PPAT: variants seen among roughly 807,000 people sequenced by gnomAD.
PPAT encodes the protein phosphoribosyl pyrophosphate amidotransferase.
In PPAT, 20 loss-of-function variants were observed where a neutral mutation model predicts 60.2. The ratio of observed to expected loss-of-function variants is 0.33; its 90% confidence interval spans 0.23 to 0.48. PPAT has a LOEUF of 0.48. Among genes scored for constraint, PPAT ranks in the 20% least tolerant of loss-of-function variants. The pLI, the probability that PPAT is intolerant of heterozygous loss-of-function variation, is 0.99. For missense variants in PPAT, 349 were observed against 629.6 expected (o/e 0.55, Z 4.77); for synonymous variants, 194 against 215.1 (o/e 0.90, Z 0.86).
intron 1 of PPAT, among the ~76,000 whole-genome samples, chr4:56,412,827 AC>A (rs1400641429): frequency 6.6e-6 from 1 of 151,986 alleles, no homozygotes; most frequent in Non-Finnish European, 1.5e-5. Context: ...CCTAGTTTTC[AC>A]CCTCTTCCCA....
chr4:56,420,488 C>T (rs1451106853), intron 1 of PPAT: 1 of 152,156 alleles, frequency 6.6e-6, no homozygotes, highest in Non-Finnish European at 1.5e-5. Context: ...GGTTTCATTA[C>T]ATGCTATTTG....
intron 3 of PPAT, 68 bp downstream of exon 3, chr4:56,406,427 T>G (rs1716242450): frequency 6.7e-7 from 1 of 1,503,598 alleles, no homozygotes; most frequent in South Asian, 1.1e-5. Flanking sequence ...CAAAGATCCT[T>G]AACTTTTATT....
chr4:56,400,938 G>A, intron 7 of PPAT, 27 bp from the exon 8 acceptor site: 1 of 1,590,590 alleles, frequency 6.3e-7, no homozygotes, highest in Non-Finnish European at 8.6e-7. Context: ...AGGAGAGAGA[G>A]TATTTTTACT....
intron 1 of PPAT, among the ~76,000 whole-genome samples, chr4:56,424,369 C>T (rs1399399080): frequency 6.6e-6 from 1 of 152,156 alleles, no homozygotes; most frequent in Non-Finnish European, 1.5e-5. Flanking sequence ...TCAAGCATAG[C>T]CAGCACTGGA....
At position 56,403,113 on chromosome 4, in the gene PPAT, T is replaced by A. The variant is rs1254974697; in HGVS notation, c.588A>T (p.Ala196=). The stretch of plus-strand genomic sequence containing the variant: ...GACGATTTCCATAAGGATCTCGTAC[T>A]GCATAAATAACATCTCTGTGCATTA... The part of the protein sequence containing the change: ...LLIMHRDVIY[A]VRDPYGNRPL... Residue 196 remains alanine, a synonymous_variant, in exon 5 of 11, where the codon GCA becomes GCT. Coordinates refer to ENST00000264220, the MANE Select transcript of PPAT (RefSeq NM_002703.5). 3.1e-6 allele frequency: 5 copies of A among 1,612,354 alleles called. No individual in the cohort carries two copies. Among genetic ancestry groups the A allele is most frequent in the Non-Finnish European group, 4.2e-6 (5 of 1,178,592 alleles).
At chr4:56,434,830 T>C (rs963422662) in intron 1 of PPAT, among the ~76,000 whole-genome samples, 1 of 152,238 alleles carries the variant, frequency 6.6e-6, no homozygotes, top group Non-Finnish European at 1.5e-5. Flanking sequence ...CAAGTTCCCA[T>C]AGCGATAACT....
intron 8 of PPAT, chr4:56,399,803 G>A (rs1716069125): frequency 6.3e-6 from 1 of 158,480 alleles, no homozygotes; most frequent in South Asian, 1.9e-4. Context: ...ATTTATCAAG[G>A]TAATCTTTTC....
chr4:56,393,418 AAGT>A lies in PPAT; in HGVS notation c.*1931_*1933del, dbSNP rs1715873250. The A allele has an allele frequency of 6.6e-6, 1 of 152,184 alleles. No individual in the cohort carries two copies. The highest frequency in any genetic ancestry group is 2.1e-4 in the South Asian group (1 of 4,834). 9.4% of individuals were successfully genotyped at this position (152,184 alleles called of 1,614,324 possible). ...CAAGGCATCACAAATAAGTCACAAA[AAGT>A]AGGCTTAGTTTAGTTCACAATATAA... On this transcript the variant is annotated 3_prime_UTR_variant, in exon 11 of 11. Transcript: ENST00000264220.
intron 1 of PPAT, chr4:56,416,450 T>C (rs952813788): frequency 9.0e-6 from 4 of 443,610 alleles, no homozygotes; most frequent in East Asian, 1.6e-4. Flanking sequence ...TATAGTATAA[T>C]GGATGGGACA....
intron 1 of PPAT, among the ~76,000 whole-genome samples, chr4:56,427,115 G>GTT (rs896585193): frequency 1.3e-5 from 2 of 152,098 alleles, no homozygotes; most frequent in African/African-American, 4.8e-5. Context: ...ACACCATTTT[G>GTT]TTTATTCATC....
At chr4:56,413,232 T>A (rs1716556149) in intron 1 of PPAT, among the ~76,000 whole-genome samples, 1 of 152,174 alleles carries the variant, frequency 6.6e-6, no homozygotes, top group African/African-American at 2.4e-5. Context: ...CAATCTCAGC[T>A]CACAACCTCT....
At position 56,410,899 on chromosome 4, in the gene PPAT, T is replaced by TA. The variant is rs35668849; in HGVS notation, c.129-3184dup. ...GTACAGCCCCAGAGACCACTGAAGG[T>TA]AAAAAAAAAAAAAAAAAAAAAAAAA... On this transcript the variant is annotated intron_variant, in intron 1 of 10. Transcript: ENST00000264220. The TA allele has an allele frequency of 2.6e-3, 1,768 of 678,268 alleles. 40 individuals carry two copies. In the East Asian group the frequency reaches 0.052, roughly 20 times the overall value. The allele number at this position is 678,268 out of a possible 1,614,324, so 42.0% of individuals were successfully genotyped here. A position where few individuals can be genotyped will look rare whatever the true frequency, so the allele number is the denominator to read the frequency against.
At chr4:56,423,847 T>TA (rs1717159834) in intron 1 of PPAT, among the ~76,000 whole-genome samples, 1 of 152,112 alleles carries the variant, frequency 6.6e-6, no homozygotes, top group South Asian at 2.1e-4. Context: ...GAAAAAAACT[T>TA]AAACAGGCAA....
At chr4:56,431,299 T>C (rs1394277959) in intron 1 of PPAT, 4 of 237,122 alleles carry the variant, frequency 1.7e-5, no homozygotes, top group Non-Finnish European at 2.7e-5. Context: ...AATCAAATCC[T>C]GTGTTCTCCA....
At chr4:56,420,015 T>C (rs772643243) in intron 1 of PPAT, 13 of 985,134 alleles carry the variant, frequency 1.3e-5, no homozygotes, top group Non-Finnish European at 1.3e-5. Flanking sequence ...TGTCACAGAA[T>C]GTGCCAACGT....
At chr4:56,434,393 C>G (rs1717782276) in intron 1 of PPAT, among the ~76,000 whole-genome samples, 1 of 152,214 alleles carries the variant, frequency 6.6e-6, no homozygotes, top group African/African-American at 2.4e-5. Context: ...GTTGTTACCA[C>G]TGTATTGCCT....
At chr4:56,398,295 C>T (rs145349403) in intron 9 of PPAT, among the ~76,000 whole-genome samples, 281 of 152,090 alleles carry the variant, frequency 1.8e-3, no homozygotes, top group African/African-American at 6.4e-3. Context: ...GCTTGAGCCC[C>T]AGAAGCAGAG....
intron 4 of PPAT, 25 bp from the exon 5 acceptor site, chr4:56,403,210 G>A (rs1203330379): frequency 5.0e-6 from 8 of 1,598,208 alleles, no homozygotes; most frequent in Non-Finnish European, 6.8e-6. Context: ...ATAATTGAAT[G>A]AATAACTTCA....
At position 56,417,835 on chromosome 4, in the gene PPAT, G is replaced by GTTTTTTTTTTTT. The variant is rs1207160039; in HGVS notation, c.129-10120_129-10119insAAAAAAAAAAAA. On this transcript the variant is annotated intron_variant, in intron 1 of 10. Coordinates refer to ENST00000264220, the MANE Select transcript of PPAT (RefSeq NM_002703.5). The stretch of plus-strand genomic sequence containing the variant: ...ATCTTCGGTATAATTTGAAGATTTG[G>GTTTTTTTTTTTT]TTTTTTGTTTTTTTTTTTTTTTTTG... 1.2e-4 allele frequency among the ~76,000 whole-genome samples: 12 copies of GTTTTTTTTTTTT among 102,518 alleles called. 1 individual carries two copies. Among genetic ancestry groups the GTTTTTTTTTTTT allele is most frequent in the African/African-American group, 4.2e-4 (12 of 28,684 alleles). The allele number at this position is 102,518 out of a possible 152,430, so 67.3% of individuals were successfully genotyped here.
Sources: gnomAD v4.1 joint callset for allele counts (sites outside exome capture counted in the v4.1 genomes callset) on GRCh38, gnomAD v4.1.1 for gene constraint, MANE v1.5 for transcripts, NCBI Gene and HGNC (gene_info 2026-07-23, HGNC 2026-07-21) for gene names.